XPA: variants seen among roughly 807,000 people sequenced by gnomAD.
XPA encodes XPA, DNA damage recognition and repair factor, also known as DNA repair protein complementing XP-A cells.
Under a neutral mutation model 35.7 loss-of-function variants are expected in XPA, and 27 were observed. That is an observed-to-expected ratio of 0.76 (90% confidence interval 0.56 to 1.04). The LOEUF (loss-of-function observed/expected upper bound fraction) is 1.04, where lower values mean the gene tolerates loss of function less well. Ranked by LOEUF, XPA falls within the 50% of genes least tolerant of loss-of-function variation. XPA has a pLI of 0.00. For synonymous variants in XPA, 133 were observed against 118.4 expected, an observed-to-expected ratio of 1.12 and a Z score of -0.80; for missense variants, 354 against 342.7, an observed-to-expected ratio of 1.03 and a Z score of -0.26.
At chr9:97,657,740 C>A in the XPA span, among the ~76,000 whole-genome samples, 2 of 151,784 alleles carry the variant, frequency 1.3e-5, no homozygotes, top group African/African-American at 4.8e-5. Flanking sequence ...AAGAGCTGTC[C>A]TTTCTCCCCC....
Position 97,689,600 on chromosome 9 carries a change from C to CATT in XPA, c.320_322dup (p.Glu107_Cys108insTer), listed in dbSNP as rs772081070. ...ATAAGAATCCATAAATTCTTTCCCACATTCTTCGCATATTACATAATCAAA... is the reference window on the plus strand; with the variant it reads ...ATAAGAATCCATAAATTCTTTCCCACATTATTCTTCGCATATTACATAATCAAA... On this transcript the variant is annotated stop_gained, in exon 3 of 6. Coordinates refer to ENST00000375128, the MANE Select transcript of XPA (RefSeq NM_000380.4). LOFTEE classifies it high-confidence loss of function. 3.1e-6 allele frequency: 5 copies of CATT among 1,612,820 alleles called. No homozygotes were observed. The highest frequency in any genetic ancestry group is 4.2e-6 in the Non-Finnish European group (5 of 1,179,050).
the XPA span, chr9:97,664,470 G>C: frequency 6.8e-7 from 1 of 1,480,478 alleles, no homozygotes; most frequent in Non-Finnish European, 9.4e-7. Context: ...TATGAAACTT[G>C]TGTTCCCTAA....
the XPA span, among the ~76,000 whole-genome samples, chr9:97,656,304 G>A: frequency 7.2e-5 from 11 of 152,322 alleles, no homozygotes; most frequent in South Asian, 4.1e-4. Flanking sequence ...GTCACAGGCC[G>A]GGCGCAGTGG....
At chr9:97,688,710 C>G (rs576780516) in intron 3 of XPA, among the ~76,000 whole-genome samples, 7 of 152,298 alleles carry the variant, frequency 4.6e-5, no homozygotes, top group African/African-American at 1.7e-4. Context: ...AGCCATGTAT[C>G]TGATCATGAG....
the XPA span, chr9:97,668,843 T>A: frequency 6.2e-7 from 1 of 1,610,232 alleles, no homozygotes. Context: ...TTGCCTTCTA[T>A]AGCGAAGTGA....
chr9:97,662,625 A>G, the XPA span, among the ~76,000 whole-genome samples: 6 of 152,180 alleles, frequency 3.9e-5, no homozygotes, highest in Admixed American at 2.6e-4. Flanking sequence ...TCTGTCTCCA[A>G]GGCTTTATAT....
At chr9:97,696,456 G>A (rs1829045588) in intron 1 of XPA, among the ~76,000 whole-genome samples, 1 of 152,182 alleles carries the variant, frequency 6.6e-6, no homozygotes, top group Non-Finnish European at 1.5e-5. Flanking sequence ...AGAAATCGCA[G>A]AGGTCACATG....
chr9:97,683,083 T>G (rs748913060), intron 5 of XPA, among the ~76,000 whole-genome samples: 1 of 152,112 alleles, frequency 6.6e-6, no homozygotes, highest in Non-Finnish European at 1.5e-5. Flanking sequence ...TAATTAATAC[T>G]TATTATTTTA....
rs2131396490 is a variant in XPA at position 97,687,123 on chromosome 9, A to G, written c.528T>C (p.Gly176=). The part of the protein sequence containing the change: ...VKKNPHHSQW[G]DMKLYLKLQI... ...GTAACTTTAAGTAGAGTTTCATATC[A>G]CCCCATTGTGAATGATGTGGATTCT... Residue 176 remains glycine, a synonymous_variant, in exon 4 of 6, where the codon GGT becomes GGC. Coordinates refer to ENST00000375128, the MANE Select transcript of XPA (RefSeq NM_000380.4). 1 of 1,612,002 alleles carries G rather than the reference A, an allele frequency of 6.2e-7. No homozygotes were observed. Among genetic ancestry groups the G allele is most frequent in the East Asian group, 2.2e-5 (1 of 44,792 alleles).
At chr9:97,696,421 C>T (rs1389612863) in intron 1 of XPA, among the ~76,000 whole-genome samples, 4 of 152,182 alleles carry the variant, frequency 2.6e-5, no homozygotes, top group Non-Finnish European at 5.9e-5. Flanking sequence ...TCAATAAACA[C>T]GTTTTGAGCA....
intron 5 of XPA, chr9:97,675,970 T>G: frequency 4.4e-6 from 1 of 229,800 alleles, no homozygotes. Flanking sequence ...CTGAAATAAT[T>G]AAGAAAAAGG....
the XPA span, chr9:97,664,297 G>T: frequency 2.4e-6 from 3 of 1,229,916 alleles, no homozygotes; most frequent in Non-Finnish European, 3.6e-6. Flanking sequence ...ATATGTGTGT[G>T]TATGTGTGTG....
chr9:97,656,344 G>A, the XPA span, among the ~76,000 whole-genome samples: 29 of 152,222 alleles, frequency 1.9e-4, no homozygotes, highest in Admixed American at 4.6e-4. Context: ...CACTTTGGGA[G>A]GCCAAAGCGG....
At chr9:97,669,632 G>A in the XPA span, 11 of 1,612,956 alleles carry the variant, frequency 6.8e-6, no homozygotes, top group African/African-American at 1.3e-5. Context: ...AGTACGATGC[G>A]AAACTGATGG....
downstream of XPA, chr9:97,672,229 C>T (rs1384301756): frequency 6.6e-6 from 1 of 152,100 alleles, no homozygotes; most frequent in Non-Finnish European, 1.5e-5. Context: ...AGACTTTTTT[C>T]ATTAAACCTT....
chr9:97,656,107 C>T, the XPA span: 3 of 1,558,888 alleles, frequency 1.9e-6, no homozygotes, highest in African/African-American at 4.1e-5. Context: ...GTGTTTTCTC[C>T]TTTTAACTTC....
intron 5 of XPA, chr9:97,682,486 G>A (rs1828577811): frequency 1.9e-6 from 1 of 518,164 alleles, no homozygotes; most frequent in East Asian, 5.4e-5. Context: ...TGACCTCTCT[G>A]CACATTAAAC....
downstream of XPA, chr9:97,671,332 G>T: frequency 1.6e-6 from 1 of 644,394 alleles, no homozygotes; most frequent in Non-Finnish European, 2.6e-6. Flanking sequence ...GAAGAGGACA[G>T]TGAATGAACA....
In XPA at chr9:97,675,393, T is replaced by A. The variant is rs938360911; in HGVS notation, c.*46A>T. 94 of 1,556,016 alleles carry A rather than the reference T, an allele frequency of 6.0e-5. No homozygotes were observed. The highest frequency in any genetic ancestry group is 8.0e-5 in the Non-Finnish European group (92 of 1,154,454). Reference sequence around the variant, plus strand: ...TGAAAAGGACCAATCTAAATTTCCTTTATTTAAATATAAAATTCTATAAAA... The same window carrying A: ...TGAAAAGGACCAATCTAAATTTCCTATATTTAAATATAAAATTCTATAAAA... On this transcript the variant is annotated 3_prime_UTR_variant, in exon 6 of 6. Coordinates refer to ENST00000375128, the MANE Select transcript of XPA (RefSeq NM_000380.4).
Sources: allele counts gnomAD v4.1 joint callset (sites outside exome capture counted in the v4.1 genomes callset), GRCh38; gene constraint gnomAD v4.1.1; transcripts MANE v1.5; gene names NCBI Gene and HGNC (gene_info 2026-07-23, HGNC 2026-07-21).